Variants in GALNTL6 observed in about 807,000 individuals in gnomAD.
GALNTL6 encodes the protein polypeptide N-acetylgalactosaminyltransferase-like 6.
In GALNTL6, 46 loss-of-function variants were observed where a neutral mutation model predicts 73.7. The ratio of observed to expected loss-of-function variants is 0.62; its 90% CI spans 0.49 to 0.80. GALNTL6 has a LOEUF of 0.80. Ranked by LOEUF, GALNTL6 falls within the 30% of genes least tolerant of loss-of-function variation. GALNTL6 has a pLI of 0.00. For synonymous variants in GALNTL6, 259 were observed against 263.7 expected (o/e 0.98, Z 0.17); for missense variants, 604 against 755.0 (o/e 0.80, Z 2.34).
chr4:172,472,062 T>A (rs553178509), intron 5 of GALNTL6, among the ~76,000 whole-genome samples: 11 of 152,286 alleles, frequency 7.2e-5, no homozygotes, highest in South Asian at 2.1e-4. Flanking sequence ...TAGTACAACA[T>A]CTCCATGCTA....
At chr4:172,676,138 T>C (rs553053648) in intron 5 of GALNTL6, among the ~76,000 whole-genome samples, 3 of 152,310 alleles carry the variant, frequency 2.0e-5, no homozygotes, top group African/African-American at 4.8e-5. Context: ...GTCTGATGCT[T>C]TTAAATTAAA....
At chr4:171,933,812 T>C (rs1266387978) in intron 2 of GALNTL6, among the ~76,000 whole-genome samples, 2 of 152,150 alleles carry the variant, frequency 1.3e-5, no homozygotes, top group East Asian at 3.9e-4. Flanking sequence ...CTATAACCTA[T>C]GATTCCAGAG....
chr4:172,061,192 T>TTTTC (rs1181838816), intron 2 of GALNTL6, among the ~76,000 whole-genome samples: 2 of 152,104 alleles, frequency 1.3e-5, no homozygotes, highest in African/African-American at 4.8e-5. Context: ...TTTCAGGTCT[T>TTTTC]TTTTTCTCTC....
chr4:172,449,638 T>C (rs1732142210), intron 5 of GALNTL6, among the ~76,000 whole-genome samples: 1 of 152,204 alleles, frequency 6.6e-6, no homozygotes, highest in Non-Finnish European at 1.5e-5. Flanking sequence ...CTGGCCGTTC[T>C]TTCTTAGTCT....
intron 2 of GALNTL6, among the ~76,000 whole-genome samples, chr4:172,157,349 C>T (rs1734318379): frequency 6.6e-6 from 1 of 152,174 alleles, no homozygotes; most frequent in African/African-American, 2.4e-5. Flanking sequence ...AAATAGAATG[C>T]ATTTCAAACT....
rs556565100 is a variant in GALNTL6, at chr4:172,456,148, G to A, written c.553+107459G>A. On this transcript the variant is annotated intron_variant, in intron 5 of 12. Coordinates refer to ENST00000506823, the MANE Select transcript of GALNTL6 (RefSeq NM_001034845.3). ...GAAAACTAACAAACAGAAAGGAATA[G>A]CATCAACATCAACAAAAAGGACATT... Among the ~76,000 whole-genome samples the A allele has an allele frequency of 3.9e-5, 6 of 152,202 alleles. No homozygotes were observed. The South Asian group carries it at 8.3e-4, about 21-fold the overall frequency.
At chr4:171,861,814 C>A (rs75605645) in intron 2 of GALNTL6, among the ~76,000 whole-genome samples, 220 of 152,154 alleles carry the variant, frequency 1.4e-3, no homozygotes, top group Admixed American at 8.6e-3. Flanking sequence ...AAAAACATAT[C>A]TGATGGTATT....
At chr4:172,435,977 G>A (rs949910661) in intron 5 of GALNTL6, among the ~76,000 whole-genome samples, 12 of 142,522 alleles carry the variant, frequency 8.4e-5, no homozygotes, top group African/African-American at 3.1e-4. Context: ...TTTCCTTTTG[G>A]TTGTGTAAGA....
intron 5 of GALNTL6, among the ~76,000 whole-genome samples, chr4:172,759,052 T>C (rs1737916495): frequency 6.6e-6 from 1 of 152,178 alleles, no homozygotes; most frequent in South Asian, 2.1e-4. Context: ...CTTATTGCAG[T>C]AAAATTAGGT....
At chr4:172,982,541 G>C (rs1751112514) in intron 10 of GALNTL6, among the ~76,000 whole-genome samples, 1 of 152,202 alleles carries the variant, frequency 6.6e-6, no homozygotes, top group South Asian at 2.1e-4. Flanking sequence ...AGTCAGAAGA[G>C]ATGCTGAAGT....
At chr4:172,309,702 G>T (rs927833596) in intron 3 of GALNTL6, among the ~76,000 whole-genome samples, 7 of 151,866 alleles carry the variant, frequency 4.6e-5, no homozygotes, top group African/African-American at 1.2e-4. Context: ...ATTATTTGAA[G>T]TAAACATTGT....
chr4:171,941,612 A>G (rs984465386), intron 2 of GALNTL6, among the ~76,000 whole-genome samples: 3 of 152,144 alleles, frequency 2.0e-5, no homozygotes, highest in Non-Finnish European at 2.9e-5. Context: ...TCTTCATTCC[A>G]CTGCTCCTTT....
chr4:172,206,805 G>GTTTGTTTTTTTTTTTTTT lies in GALNTL6; in HGVS notation c.139-22848_139-22847insGTTTTTTTTTTTTTTTTT, dbSNP rs1554003003. ...TTGTTTTGTTTTGTTTTGTTTTTCTGTTTTTTTTGTTTGTTTTTTTTTTTT... is the reference window on the plus strand; with the variant it reads ...TTGTTTTGTTTTGTTTTGTTTTTCTGTTTGTTTTTTTTTTTTTTTTTTTTTTGTTTGTTTTTTTTTTTT... On this transcript the variant is annotated intron_variant, in intron 2 of 12. Coordinates refer to ENST00000506823, the MANE Select transcript of GALNTL6 (RefSeq NM_001034845.3). Among the ~76,000 whole-genome samples, 48 of 26,172 alleles carry GTTTGTTTTTTTTTTTTTT rather than the reference G, an allele frequency of 1.8e-3. 1 individual carries two copies. The highest frequency in any genetic ancestry group is 3.0e-3 in the Non-Finnish European group (36 of 11,868). 17.2% of individuals were successfully genotyped at this position (26,172 alleles called of 152,430 possible). A position where few individuals can be genotyped will look rare whatever the true frequency, so the allele number is the denominator to read the frequency against.
chr4:172,175,510 G>A (rs771649321), intron 2 of GALNTL6, among the ~76,000 whole-genome samples: 1 of 152,156 alleles, frequency 6.6e-6, no homozygotes, highest in Admixed American at 6.5e-5. Flanking sequence ...AACAAATGAT[G>A]AGTCAAAATT....
intron 2 of GALNTL6, among the ~76,000 whole-genome samples, chr4:172,148,284 A>G (rs1327544634): frequency 6.6e-6 from 1 of 152,136 alleles, no homozygotes; most frequent in Admixed American, 6.6e-5. Context: ...TCTCTACTTG[A>G]TTGTTTTCAT....
At chr4:171,832,217 A>G (rs555229005) in intron 2 of GALNTL6, among the ~76,000 whole-genome samples, 1 of 151,488 alleles carries the variant, frequency 6.6e-6, no homozygotes, top group Admixed American at 6.6e-5. Context: ...TTCAGGTAAA[A>G]CAGTCAAATA....
chr4:172,122,568 G>A (rs1300999698), intron 2 of GALNTL6, among the ~76,000 whole-genome samples: 1 of 152,174 alleles, frequency 6.6e-6, no homozygotes, highest in African/African-American at 2.4e-5. Flanking sequence ...GTGTTAATGG[G>A]AGGGGAATGG....
At chr4:172,087,318 G>A (rs949575532) in intron 2 of GALNTL6, among the ~76,000 whole-genome samples, 6 of 151,640 alleles carry the variant, frequency 4.0e-5, no homozygotes, top group East Asian at 1.9e-4. Context: ...GGGGGTGGGC[G>A]CCTGTAGTCC....
At chr4:172,038,046 G>C (rs950571145) in intron 2 of GALNTL6, among the ~76,000 whole-genome samples, 4 of 151,838 alleles carry the variant, frequency 2.6e-5, no homozygotes, top group African/African-American at 9.7e-5. Flanking sequence ...TTGCACCTGG[G>C]CGATAAGGTT....
Sources: gnomAD v4.1 joint callset for allele counts (sites outside exome capture counted in the v4.1 genomes callset) on GRCh38, gnomAD v4.1.1 for gene constraint, MANE v1.5 for transcripts, NCBI Gene and HGNC (gene_info 2026-07-23, HGNC 2026-07-21) for gene names.